SLC35H1: variants seen among roughly 807,000 people sequenced by gnomAD.
SLC35H1 encodes solute carrier family 35 member H1.
chr20:46,350,430 CTCAT>C, the SLC35H1 span: 2 of 1,613,776 alleles, frequency 1.2e-6, no homozygotes, highest in South Asian at 1.1e-5. Context: ...ACTCCTCCTC[CTCAT>C]TGTCACCTTC....
At chr20:46,350,529 G>A in the SLC35H1 span, 3 of 1,582,764 alleles carry the variant, frequency 1.9e-6, no homozygotes, top group Non-Finnish European at 2.6e-6. Flanking sequence ...CATCACCTTG[G>A]GATAGAGAGA....
chr20:46,362,828 G>A, the SLC35H1 span, among the ~76,000 whole-genome samples: 1 of 152,202 alleles, frequency 6.6e-6, no homozygotes, highest in Non-Finnish European at 1.5e-5. Flanking sequence ...GTGCAATGGC[G>A]TGATCTCGGC....
chr20:46,346,598 T>G, the SLC35H1 span: 1 of 152,274 alleles, frequency 6.6e-6, no homozygotes, highest in Non-Finnish European at 1.5e-5. Context: ...CTGGCCAACA[T>G]GTACTGAAAT....
the SLC35H1 span, chr20:46,358,509 G>T: frequency 6.2e-7 from 1 of 1,614,188 alleles, no homozygotes. Context: ...CTCCCCATTC[G>T]TGGCGGCTGC....
the SLC35H1 span, chr20:46,350,124 G>C: frequency 1.7e-5 from 5 of 297,574 alleles, no homozygotes; most frequent in African/African-American, 2.2e-5. Context: ...GAAGTGGTGG[G>C]AAGAACCAGC....
chr20:46,350,630 A>T, the SLC35H1 span: 2 of 1,110,888 alleles, frequency 1.8e-6, no homozygotes, highest in Non-Finnish European at 2.5e-6. Flanking sequence ...CCCACTCTGG[A>T]GATGACCCCC....
the SLC35H1 span, chr20:46,358,928 G>T: frequency 1.6e-6 from 1 of 626,672 alleles, no homozygotes; most frequent in East Asian, 2.7e-5. Flanking sequence ...GTCACCTCAA[G>T]CTATTCTCCA....
the SLC35H1 span, chr20:46,357,904 T>TA: frequency 2.2e-6 from 2 of 910,098 alleles, no homozygotes; most frequent in East Asian, 5.3e-5. Context: ...GCTATGTGTG[T>TA]AGGGCCCTTA....
At chr20:46,356,064 G>C in the SLC35H1 span, among the ~76,000 whole-genome samples, 84 of 152,302 alleles carry the variant, frequency 5.5e-4, no homozygotes, top group African/African-American at 1.9e-3. Context: ...AGAGAGAAGA[G>C]GTTACAGGTC....
chr20:46,350,480 C>A, the SLC35H1 span: 1 of 1,613,124 alleles, frequency 6.2e-7, no homozygotes, highest in Non-Finnish European at 8.5e-7. Context: ...AGCTCCAGGT[C>A]GGGGCTGGAG....
chr20:46,358,265 G>T, the SLC35H1 span: 1 of 933,660 alleles, frequency 1.1e-6, no homozygotes, highest in African/African-American at 1.6e-5. Flanking sequence ...CAGCCCAGCC[G>T]TGACTGGCTT....
the SLC35H1 span, chr20:46,350,659 G>T: frequency 6.8e-7 from 1 of 1,478,210 alleles, no homozygotes; most frequent in South Asian, 1.3e-5. Context: ...CTAGAGGAGT[G>T]ACGGCAGCAG....
the SLC35H1 span, chr20:46,358,287 G>T: frequency 9.0e-7 from 1 of 1,114,748 alleles, no homozygotes; most frequent in Non-Finnish European, 1.4e-6. Context: ...CAGTTAGACT[G>T]GTTGAAGCTT....
chr20:46,356,500 G>A, the SLC35H1 span: 1 of 1,481,816 alleles, frequency 6.7e-7, no homozygotes, highest in East Asian at 2.3e-5. Flanking sequence ...TAGCAGCCGG[G>A]TGTGCAGACA....
chr20:46,356,625 G>A, the SLC35H1 span: 60 of 1,613,890 alleles, frequency 3.7e-5, 1 homozygote, highest in East Asian at 9.1e-4. Flanking sequence ...CACGTCAAGC[G>A]CCGTCGCCAG....
chr20:46,360,777 C>T, the SLC35H1 span, among the ~76,000 whole-genome samples: 3 of 152,144 alleles, frequency 2.0e-5, no homozygotes, highest in Non-Finnish European at 4.4e-5. Context: ...CTTGAACTCC[C>T]AACCTCAGGT....
chr20:46,349,872 G>A, the SLC35H1 span: 2 of 152,250 alleles, frequency 1.3e-5, no homozygotes, highest in Non-Finnish European at 2.9e-5. Flanking sequence ...CTCCAGGCAG[G>A]GAAAGGAAAG....
chr20:46,357,592 T>C, the SLC35H1 span: 1 of 1,600,800 alleles, frequency 6.2e-7, no homozygotes, highest in African/African-American at 1.3e-5. Context: ...CCCCTCTTCC[T>C]GCTCTGCCCT....
chr20:46,349,958 C>CATTTATTTCCAAACTAT, the SLC35H1 span: 1 of 153,196 alleles, frequency 6.5e-6, no homozygotes, highest in Admixed American at 6.5e-5. Flanking sequence ...GACCGTGAAC[C>CATTTATTTCCAAACTAT]ATTTATTTCC....
Sources: gnomAD v4.1 joint callset for allele counts (sites outside exome capture counted in the v4.1 genomes callset) on GRCh38, gnomAD v4.1.1 for gene constraint, MANE v1.5 for transcripts, NCBI Gene and HGNC (gene_info 2026-07-23, HGNC 2026-07-21) for gene names.